ALDH1A2: variants seen among roughly 807,000 people sequenced by gnomAD.
ALDH1A2 encodes the protein retinal dehydrogenase 2.
A neutral mutation model predicts 60.3 loss-of-function variants in ALDH1A2; 27 were observed. The ratio of observed to expected loss-of-function variants is 0.45; its 90% confidence interval spans 0.33 to 0.62. The LOEUF (loss-of-function observed/expected upper bound fraction) is 0.62. Among genes scored for constraint, ALDH1A2 ranks in the 20% least tolerant of loss-of-function variants. The pLI, the probability that ALDH1A2 is intolerant of heterozygous loss-of-function variation, is 0.02. For synonymous variants in ALDH1A2, 289 were observed against 232.4 expected (o/e 1.24, Z -2.21); for missense variants, 581 against 643.8 (o/e 0.90, Z 1.06).
rs183581545 is a variant in ALDH1A2, at chr15:58,059,853, T to C, written c.117+5681A>G. Among the ~76,000 whole-genome samples, 370 of 152,268 alleles carry C rather than the reference T, an allele frequency of 2.4e-3. 3 individuals carry two copies. Among genetic ancestry groups the C allele is most frequent in the African/African-American group, 8.7e-3 (361 of 41,542 alleles). ...CAGAATATTGAACTCTTATGAGTAA[T>C]GCACATAATAAATGTAATAAAAATA... is the stretch of plus-strand genomic sequence containing the variant. On this transcript the variant is annotated intron_variant, in intron 1 of 12. Transcript: ENST00000249750.
intron 1 of ALDH1A2, among the ~76,000 whole-genome samples, chr15:58,029,656 C>A (rs1156857581): frequency 2.0e-5 from 3 of 150,348 alleles, no homozygotes; most frequent in African/African-American, 4.9e-5. Context: ...ATACTGCTAG[C>A]AAGACTAATA....
chr15:58,025,684 T>C (rs746726187), intron 1 of ALDH1A2, among the ~76,000 whole-genome samples: 11 of 152,204 alleles, frequency 7.2e-5, no homozygotes, highest in African/African-American at 1.7e-4. Flanking sequence ...TGAGGATAGA[T>C]AATTTAAAAA....
intron 1 of ALDH1A2, chr15:58,057,928 AAAAATT>A (rs1247076169): frequency 2.7e-6 from 2 of 745,738 alleles, no homozygotes; most frequent in East Asian, 3.8e-5. Flanking sequence ...CTGAGATAAT[AAAAATT>A]AAAATTAAAT....
intron 4 of ALDH1A2, among the ~76,000 whole-genome samples, chr15:57,996,107 T>C (rs1287833215): frequency 2.0e-5 from 3 of 152,024 alleles, no homozygotes; most frequent in African/African-American, 7.2e-5. Context: ...CTAATATTCA[T>C]GAAAGCATAA....
At chr15:57,967,994 T>TGGGGAAACAGCAATCCTCTG (rs1893949828) in intron 7 of ALDH1A2, among the ~76,000 whole-genome samples, 2 of 152,102 alleles carry the variant, frequency 1.3e-5, no homozygotes, top group African/African-American at 2.4e-5. Flanking sequence ...GAAGGGCAAC[T>TGGGGAAACAGCAATCCTCTG]GGGGAAACAG....
intron 1 of ALDH1A2, among the ~76,000 whole-genome samples, chr15:58,026,605 C>T (rs1350872815): frequency 6.6e-6 from 1 of 152,180 alleles, no homozygotes; most frequent in East Asian, 1.9e-4. Context: ...GGGGATTTCC[C>T]TTTCCTAGCC....
intron 4 of ALDH1A2, among the ~76,000 whole-genome samples, chr15:58,000,932 T>C (rs542061918): frequency 1.1e-4 from 17 of 151,764 alleles, no homozygotes; most frequent in Admixed American, 3.3e-4. Flanking sequence ...TCTGCCTTCA[T>C]TTTTATTTAT....
Position 57,996,498 on chromosome 15 carries a change from T to TC in ALDH1A2, c.494-1360dup, listed in dbSNP as rs202069032. ...TATTCAGTCTTTTATATTTTGTTTT[T>TC]CCCTCTTTTTTTTTTTTTTCCTGTA... On this transcript the variant is annotated intron_variant, in intron 4 of 12. Coordinates refer to ENST00000249750, the MANE Select transcript of ALDH1A2 (RefSeq NM_003888.4). Among the ~76,000 whole-genome samples, 509 of 150,890 alleles carry TC rather than the reference T, an allele frequency of 3.4e-3. 6 individuals are homozygous for TC. The highest frequency in any genetic ancestry group is 0.024 in the East Asian group (121 of 5,118).
intron 1 of ALDH1A2, chr15:58,065,231 G>A: frequency 9.8e-6 from 4 of 406,362 alleles, no homozygotes; most frequent in Non-Finnish European, 1.4e-5. Context: ...CCCCGCGGCA[G>A]TCGGGACCGG....
chr15:57,968,491 G>T (rs1034624684), intron 7 of ALDH1A2, among the ~76,000 whole-genome samples: 1 of 152,146 alleles, frequency 6.6e-6, no homozygotes, highest in Admixed American at 6.5e-5. Context: ...TCATTTTTCT[G>T]TTCTCTTTTC....
intron 4 of ALDH1A2, among the ~76,000 whole-genome samples, chr15:58,004,674 C>A (rs1895387878): frequency 6.9e-6 from 1 of 145,716 alleles, no homozygotes; most frequent in Non-Finnish European, 1.5e-5. Context: ...ATTTTTATGG[C>A]TGTGTAGTAT....
intron 1 of ALDH1A2, among the ~76,000 whole-genome samples, chr15:58,044,128 T>G (rs1429076418): frequency 6.6e-6 from 1 of 152,056 alleles, no homozygotes; most frequent in Non-Finnish European, 1.5e-5. Flanking sequence ...GAGTGATCTT[T>G]GCTGCATCTC....
At chr15:57,955,394 A>C (rs1893486145) in intron 12 of ALDH1A2, 125 bp from the exon 13 acceptor site, 2 of 971,666 alleles carry the variant, frequency 2.1e-6, no homozygotes, top group Admixed American at 3.6e-5. Flanking sequence ...TGTTCATGTA[A>C]AAATTCCTCA....
rs770263415 is a variant in ALDH1A2 at position 58,065,593 on chromosome 15, T to C, written c.58A>G (p.Met20Val). The change falls in exon 1 of 13, where the codon ATG (methionine) becomes GTG (valine). Residue 20 changes from methionine (M) to valine (V), a missense_variant. By Grantham distance (21) the Met-to-Val change is conservative. Around this residue, in one of 2 missense-constraint regions of ALDH1A2, gnomAD observed 206 missense variants for 174.1 expected, o/e 1.18. Coordinates refer to ENST00000249750, the MANE Select transcript of ALDH1A2 (RefSeq NM_003888.4). The part of the protein sequence containing the change: ...GEVKADPAAL[M>V]ASLHLLPSPT... ...GACGGCAGGAGGTGCAGCGACGCCATGAGGGCGGCGGGGTCGGCCTTCACC... is the reference window on the plus strand; with the variant it reads ...GACGGCAGGAGGTGCAGCGACGCCACGAGGGCGGCGGGGTCGGCCTTCACC... 1.9e-5 allele frequency: 31 copies of C among 1,612,682 alleles called. No homozygotes were observed. Among genetic ancestry groups the C allele is most frequent in the Middle Eastern group, 1.7e-4 (1 of 6,054 alleles).
At chr15:57,993,497 TCTAA>T (rs1292156137) in intron 5 of ALDH1A2, among the ~76,000 whole-genome samples, 4 of 152,190 alleles carry the variant, frequency 2.6e-5, no homozygotes, top group African/African-American at 9.7e-5. Context: ...ACTAGAAAAT[TCTAA>T]CTGAGTTGTA....
intron 7 of ALDH1A2, among the ~76,000 whole-genome samples, chr15:57,982,853 A>G (rs1299780379): frequency 6.6e-6 from 1 of 152,172 alleles, no homozygotes; most frequent in Non-Finnish European, 1.5e-5. Context: ...TACTCTCACT[A>G]GAACACTGAG....
At chr15:58,010,403 T>C (rs1273505247) in intron 4 of ALDH1A2, among the ~76,000 whole-genome samples, 1 of 152,100 alleles carries the variant, frequency 6.6e-6, no homozygotes, top group Admixed American at 6.6e-5. Flanking sequence ...AGCTGACAAA[T>C]ACATACCTCT....
At chr15:58,030,028 A>T (rs1369976729) in intron 1 of ALDH1A2, among the ~76,000 whole-genome samples, 2 of 152,244 alleles carry the variant, frequency 1.3e-5, no homozygotes, top group African/African-American at 4.8e-5. Flanking sequence ...AATCCTCCCT[A>T]ACTCATTTTA....
At chr15:58,015,354 A>T (rs1206392197) in intron 1 of ALDH1A2, among the ~76,000 whole-genome samples, 2 of 152,194 alleles carry the variant, frequency 1.3e-5, no homozygotes, top group Admixed American at 6.5e-5. Context: ...GTTTTCCTTG[A>T]TTTGATAAAA....
Sources: allele counts gnomAD v4.1 joint callset (sites outside exome capture counted in the v4.1 genomes callset), GRCh38; gene constraint gnomAD v4.1.1; regional missense constraint gnomAD v4.1.1; transcripts MANE v1.5; gene names NCBI Gene and HGNC (gene_info 2026-07-23, HGNC 2026-07-21).